PAK6: variants seen among roughly 807,000 people sequenced by gnomAD.
PAK6 encodes p21 (RAC1) activated kinase 6.
In PAK6, 33 loss-of-function variants were observed where a neutral mutation model predicts 60.8. The ratio of observed to expected loss-of-function variants is 0.54; its 90% CI spans 0.41 to 0.73. PAK6 has a LOEUF of 0.73. Among genes scored for constraint, PAK6 ranks in the 30% least tolerant of loss-of-function variants. PAK6 has a pLI of 0.00. For synonymous variants in PAK6, 404 were observed against 378.5 expected (o/e 1.07, Z -0.78); for missense variants, 845 against 904.1 (o/e 0.93, Z 0.84).
chr15:40,253,364 G>A, intron 3 of PAK6, 75 bp downstream of exon 3: 1 of 433,514 alleles, frequency 2.3e-6, no homozygotes, highest in South Asian at 1.6e-5. Context: ...GGGACAGTGG[G>A]CAGGCAGGTG....
At chr15:40,243,558 TCAGAGGAACAAAGTGC>T (rs2038416091) in intron 2 of PAK6, among the ~76,000 whole-genome samples, 1 of 152,144 alleles carries the variant, frequency 6.6e-6, no homozygotes, top group East Asian at 1.9e-4. Context: ...ATAACTGGTG[TCAGAGGAACAAAGTGC>T]CAGGAGAGAC....
At chr15:40,257,289 G>A (rs900835870) in intron 3 of PAK6, among the ~76,000 whole-genome samples, 4 of 152,228 alleles carry the variant, frequency 2.6e-5, no homozygotes, top group African/African-American at 9.6e-5. Context: ...CCAGCCCAAC[G>A]CTGACCCCTC....
chr15:40,257,438 T>G (rs190088558), intron 3 of PAK6, among the ~76,000 whole-genome samples: 1 of 152,352 alleles, frequency 6.6e-6, no homozygotes, highest in East Asian at 1.9e-4. Context: ...AAACTCACTC[T>G]AGGCCAGGTC....
At chr15:40,249,095 A>G (rs1052336984) in intron 2 of PAK6, among the ~76,000 whole-genome samples, 3 of 152,190 alleles carry the variant, frequency 2.0e-5, no homozygotes, top group Non-Finnish European at 4.4e-5. Flanking sequence ...GCCTGCTTCC[A>G]GGTTCAGAGC....
In PAK6 at chr15:40,266,318, C is replaced by G. The variant is rs2140981623; in HGVS notation, c.681C>G (p.Ala227=). The G allele has an allele frequency of 2.5e-6, 4 of 1,611,992 alleles. No individual in the cohort carries two copies. In the East Asian group the frequency reaches 6.7e-5, roughly 27 times the overall value. Reference sequence around the variant, plus strand: ...CTGCCAAGCATGGCTCTGAGGAGGCCCGGCCACAGTCCTGCCTGGTGGGCT... The same window carrying G: ...CTGCCAAGCATGGCTCTGAGGAGGCGCGGCCACAGTCCTGCCTGGTGGGCT... The change falls in exon 5 of 11, where the codon GCC becomes GCG. Residue 227 remains alanine, a synonymous_variant. Coordinates refer to ENST00000560346, the Ensembl canonical transcript of PAK6.
At chr15:40,271,694 C>G (rs2039306321) in intron 5 of PAK6, among the ~76,000 whole-genome samples, 1 of 152,094 alleles carries the variant, frequency 6.6e-6, no homozygotes, top group Admixed American at 6.5e-5. Context: ...GCTATCGGGC[C>G]CCAGGTGTGG....
At chr15:40,256,328 G>A (rs1447434230) in intron 3 of PAK6, among the ~76,000 whole-genome samples, 4 of 152,180 alleles carry the variant, frequency 2.6e-5, no homozygotes, top group South Asian at 4.1e-4. Context: ...TTCTGTTCGC[G>A]GTAATTCTCA....
Position 40,266,204 on chromosome 15 carries a change from G to A in PAK6, c.567G>A (p.Ser189=), listed in dbSNP as rs138937506. ...GCCCCGCCGAGTTTCAGGGTGCCTCGCAGCGCTGTCTGCAGCTGGGTGCCT... is the reference window on the plus strand; with the variant it reads ...GCCCCGCCGAGTTTCAGGGTGCCTCACAGCGCTGTCTGCAGCTGGGTGCCT... Residue 189 remains serine (S), a synonymous_variant, in exon 5 of 11, where the codon TCG becomes TCA. Coordinates refer to ENST00000560346, the Ensembl canonical transcript of PAK6. 5.9e-4 allele frequency: 952 copies of A among 1,609,546 alleles called. 3 individuals carry two copies. In the African/African-American group the frequency reaches 0.011, roughly 19 times the overall value.
intron 3 of PAK6, among the ~76,000 whole-genome samples, chr15:40,262,671 T>G (rs922303026): frequency 2.0e-5 from 3 of 152,142 alleles, no homozygotes; most frequent in Non-Finnish European, 2.9e-5. Flanking sequence ...AGAAAGTGGT[T>G]TGGTGTTACT....
At chr15:40,254,447 C>G (rs919083476) in intron 3 of PAK6, among the ~76,000 whole-genome samples, 2 of 152,172 alleles carry the variant, frequency 1.3e-5, no homozygotes. Flanking sequence ...CTCTGGACCT[C>G]GTGGTGACCC....
At chr15:40,260,146 GC>G (rs1340491431) in intron 3 of PAK6, 2 of 152,132 alleles carry the variant, frequency 1.3e-5, no homozygotes, top group Admixed American at 6.5e-5. Flanking sequence ...ACCAAATCGG[GC>G]CCCTCATAAT....
exon 5 of PAK6, chr15:40,266,313 G>A (rs752153732): frequency 1.2e-5 from 19 of 1,611,956 alleles, no homozygotes; most frequent in South Asian, 2.2e-5. Context: ...TGGCTCTGAG[G>A]AGGCCCGGCC....
chr15:40,267,520 G>A (rs901032486), intron 5 of PAK6, among the ~76,000 whole-genome samples: 7 of 152,182 alleles, frequency 4.6e-5, no homozygotes, highest in South Asian at 2.1e-4. Context: ...TTAGCCGGGC[G>A]CGGTGGCGGG....
chr15:40,249,158 T>C (rs959293625), intron 2 of PAK6, among the ~76,000 whole-genome samples: 19 of 152,192 alleles, frequency 1.2e-4, no homozygotes, highest in Admixed American at 3.3e-4. Context: ...GGGATCTCTC[T>C]GGGGGCCTCT....
chr15:40,261,145 C>T (rs557268503), intron 3 of PAK6, among the ~76,000 whole-genome samples: 1 of 152,050 alleles, frequency 6.6e-6, no homozygotes, highest in African/African-American at 2.4e-5. Flanking sequence ...ACCTCGGCCT[C>T]CCAAAGTGCT....
chr15:40,263,616 T>C (rs1373624004), intron 3 of PAK6, among the ~76,000 whole-genome samples: 1 of 152,028 alleles, frequency 6.6e-6, no homozygotes, highest in African/African-American at 2.4e-5. Context: ...GGTTAAGTGT[T>C]TTATTGTTTG....
chr15:40,239,740 GC>G (rs1566839177), exon 1 of PAK6: 1 of 153,120 alleles, frequency 6.5e-6, no homozygotes, highest in Non-Finnish European at 1.5e-5. Flanking sequence ...TAAAGGAGTG[GC>G]TTCTGGGGTC....
At chr15:40,252,825 A>T (rs2038721355) in intron 2 of PAK6, 10 of 1,289,900 alleles carry the variant, frequency 7.8e-6, no homozygotes, top group Non-Finnish European at 8.1e-6. Flanking sequence ...GGGCGCAGGC[A>T]TCTGGAGCTC....
chr15:40,242,129 C>T (rs1288755215), intron 2 of PAK6, among the ~76,000 whole-genome samples: 1 of 151,970 alleles, frequency 6.6e-6, no homozygotes, highest in African/African-American at 2.4e-5. Context: ...GGGGCCAGGG[C>T]AGGCTGAGCA....
Sources: gnomAD v4.1 joint callset for allele counts (sites outside exome capture counted in the v4.1 genomes callset) on GRCh38, gnomAD v4.1.1 for gene constraint, MANE v1.5 for transcripts, NCBI Gene and HGNC (gene_info 2026-07-23, HGNC 2026-07-21) for gene names.